Variants in MICALL2 observed in about 807,000 individuals in gnomAD.
MICALL2 encodes MICAL like 2.
Under a neutral mutation model 91.1 loss-of-function variants are expected in MICALL2, and 111 were observed. That is an observed-to-expected ratio of 1.22 (90% CI 1.04 to 1.43). The LOEUF is 1.43. Ranked by LOEUF, MICALL2 falls within the 40% of genes most tolerant of loss-of-function variation. The pLI is 0.00. For synonymous variants in MICALL2, 694 were observed against 525.3 expected (o/e 1.32, Z -4.39); for missense variants, 1,556 against 1,236.0 (o/e 1.26, Z -3.88).
rs1258064128 is a variant in MICALL2 at position 1,451,205 on chromosome 7, C to A, written c.144-917G>T. 6.6e-6 allele frequency among the ~76,000 whole-genome samples: 1 copy of A among 152,088 alleles called. No individual in the cohort carries two copies. The highest frequency in any genetic ancestry group is 1.5e-5 in the Non-Finnish European group (1 of 68,010). ...TGGGGACGCCAAGAGGACAGCCCCA[C>A]GTGACCTCCAGCTGGTCCTGGGACT... On this transcript the variant is annotated intron_variant, in intron 1 of 16. Transcript: ENST00000297508. The surrounding 1 kb of genome is among the most constrained non-coding windows in gnomAD (Gnocchi z 4.5).
At position 1,438,365 on chromosome 7, in the gene MICALL2, G is replaced by A. The variant is rs369713447; in HGVS notation, c.2123-12C>T. 2.6e-5 allele frequency: 41 copies of A among 1,596,054 alleles called. No individual in the cohort carries two copies. In the African/African-American group the frequency reaches 2.8e-4, roughly 11 times the overall value. On this transcript the variant is annotated splice_polypyrimidine_tract_variant and intron_variant, in intron 10 of 16. Transcript: ENST00000297508. Reference sequence around the variant, plus strand: ...GGACAAGGGTCTCCCTGGAGAAGGAGCAGGGTGAGCCTCTGGGACCTGGGC... The same window carrying A: ...GGACAAGGGTCTCCCTGGAGAAGGAACAGGGTGAGCCTCTGGGACCTGGGC...
Position 1,438,918 on chromosome 7 carries a change from G to A in MICALL2, c.2044C>T (p.Pro682Ser), listed in dbSNP as rs1186705945. The A allele has an allele frequency of 6.2e-7, 1 of 1,608,624 alleles. No homozygotes were observed. The highest frequency in any genetic ancestry group is 8.5e-7 in the Non-Finnish European group (1 of 1,179,542). Residue 682 changes from proline (P) to serine (S), a missense_variant, in exon 10 of 17, where the codon CCG becomes TCG. Physicochemically the swap from Pro to Ser is moderately conservative, Grantham distance 74. Transcript: ENST00000297508. ...SLDVCDNWLRPEPPGQEARVQ... is the reference protein window; with the variant it reads ...SLDVCDNWLRSEPPGQEARVQ... ...CGGGCTTCCTGGCCAGGGGGCTCCGGCCGAAGCCAGTTGTCACAAACGTCG... is the reference window on the plus strand; with the variant it reads ...CGGGCTTCCTGGCCAGGGGGCTCCGACCGAAGCCAGTTGTCACAAACGTCG...
At chr7:1,447,192 T>C (rs773843533) in intron 4 of MICALL2, among the ~76,000 whole-genome samples, 15 of 152,084 alleles carry the variant, frequency 9.9e-5, no homozygotes, top group Non-Finnish European at 1.8e-4. Flanking sequence ...CACCAGATAT[T>C]TGCCCACCGC....
rs760938815 is a variant in MICALL2 at position 1,438,372 on chromosome 7, G to A, written c.2123-19C>T. The stretch of plus-strand genomic sequence containing the variant: ...GGTCTCCCTGGAGAAGGAGCAGGGT[G>A]AGCCTCTGGGACCTGGGCCACCAGG... On this transcript the variant is annotated intron_variant, in intron 10 of 16. Transcript: ENST00000297508. The A allele has an allele frequency of 5.0e-6, 8 of 1,590,590 alleles. No homozygotes were observed. Among genetic ancestry groups the A allele is most frequent in the African/African-American group, 2.7e-5 (2 of 74,552 alleles).
chr7:1,438,871 C>A lies in MICALL2; in HGVS notation c.2091G>T (p.Glu697Asp). The change falls in exon 10 of 17, where the codon GAG becomes GAT. Residue 697 changes from glutamate (E) to aspartate (D), a missense_variant. Coordinates refer to ENST00000297508, the MANE Select transcript of MICALL2 (RefSeq NM_182924.4). ...QEARVQSWKE[E>D]EKKPHLQGKP... ...TGCCCTGAAGGTGAGGTTTCTTCTC[C>A]TCCTCCTTCCAGCTCTGCACTCGGG... is the stretch of plus-strand genomic sequence containing the variant. 6.2e-7 allele frequency: 1 copy of A among 1,609,782 alleles called. No individual in the cohort carries two copies. Among genetic ancestry groups the A allele is most frequent in the South Asian group, 1.1e-5 (1 of 91,040 alleles).
At chr7:1,455,440 C>A (rs1427333511) in intron 1 of MICALL2, among the ~76,000 whole-genome samples, 2 of 152,206 alleles carry the variant, frequency 1.3e-5, no homozygotes, top group African/African-American at 4.8e-5. Flanking sequence ...GGCAGGCGGG[C>A]ACAGGCAGGC....
chr7:1,436,509 C>T (rs1341351772), intron 15 of MICALL2, among the ~76,000 whole-genome samples: 3 of 145,840 alleles, frequency 2.1e-5, no homozygotes, highest in East Asian at 2.0e-4. Context: ...GCCAAGATCG[C>T]ACCACTGCAC....
At position 1,438,873 on chromosome 7, in the gene MICALL2, C is replaced by T. The variant is rs1447538050; in HGVS notation, c.2089G>A (p.Glu697Lys). Residue 697 changes from glutamate to lysine, a missense_variant, in exon 10 of 17, where the codon GAG becomes AAG. Physicochemically the swap from Glu to Lys is moderately conservative, Grantham distance 56 (BLOSUM62 1). Transcript: ENST00000297508. ...CCCTGAAGGTGAGGTTTCTTCTCCT[C>T]CTCCTTCCAGCTCTGCACTCGGGCT... Reference protein sequence around the residue: ...QEARVQSWKEEEKKPHLQGKP... With the variant: ...QEARVQSWKEKEKKPHLQGKP... 1.9e-6 allele frequency: 3 copies of T among 1,610,078 alleles called. No individual in the cohort carries two copies. Among genetic ancestry groups the T allele is most frequent in the Non-Finnish European group, 2.5e-6 (3 of 1,178,504 alleles).
intron 16 of MICALL2, chr7:1,434,884 C>A: frequency 1.4e-6 from 1 of 709,998 alleles, no homozygotes; most frequent in Non-Finnish European, 2.3e-6. Context: ...ACCACACGGT[C>A]ACCAGCTGCC....
At chr7:1,445,502 T>C (rs376425950) in intron 5 of MICALL2, 74 bp from the exon 6 acceptor site, 7 of 1,333,304 alleles carry the variant, frequency 5.3e-6, no homozygotes, top group Non-Finnish European at 6.9e-6. Context: ...GTGCTCCTGA[T>C]AGCAGGCATT....
At position 1,459,223 on chromosome 7, in the gene MICALL2, G is replaced by C; in HGVS notation, c.104C>G (p.Ala35Gly). ...NMTTSFRDGL[A>G]FCAILHRHRP... Reference sequence around the variant, plus strand: ...GTGGCGGTGCAGGATGGCGCAGAAAGCCAGGCCGTCGCGGAACGACGTGGT... The same window carrying C: ...GTGGCGGTGCAGGATGGCGCAGAAACCCAGGCCGTCGCGGAACGACGTGGT... The change falls in exon 1 of 17, where the codon GCT becomes GGT. Residue 35 changes from alanine to glycine, a missense_variant. Physicochemically the swap from Ala to Gly is moderately conservative, Grantham distance 60. Coordinates refer to ENST00000297508, the MANE Select transcript of MICALL2 (RefSeq NM_182924.4). The C allele has an allele frequency of 6.2e-7, 1 of 1,611,118 alleles. No homozygotes were observed. The highest frequency in any genetic ancestry group is 8.5e-7 in the Non-Finnish European group (1 of 1,179,082).
At chr7:1,456,525 G>A (rs1180383440) in intron 1 of MICALL2, among the ~76,000 whole-genome samples, 1 of 152,226 alleles carries the variant, frequency 6.6e-6, no homozygotes. Context: ...GGCGGAGGTT[G>A]CAGTGAGCTG....
In MICALL2 at chr7:1,446,138, CG is replaced by C. The variant is rs145815792; in HGVS notation, c.641+574del. On this transcript the variant is annotated intron_variant, in intron 5 of 16. Transcript: ENST00000297508. ...ACATCTTGGGCTATCAGCAACAGAG[CG>C]GGGGGTGGGGAAGAGGGTGAGGAGG... Among the ~76,000 whole-genome samples, 392 of 72,036 alleles carry C rather than the reference CG, an allele frequency of 5.4e-3. 8 individuals are homozygous for C. The highest frequency in any genetic ancestry group is 0.021 in the African/African-American group (370 of 17,396). The allele number at this position is 72,036 out of a possible 152,430, so 47.3% of individuals were successfully genotyped here.
intron 15 of MICALL2, among the ~76,000 whole-genome samples, chr7:1,435,966 G>A (rs976338210): frequency 3.3e-5 from 5 of 151,270 alleles, no homozygotes; most frequent in African/African-American, 7.3e-5. Context: ...GCAGGAGAAT[G>A]GCATGAACCC....
At chr7:1,448,872 G>A (rs1780711000) in intron 2 of MICALL2, 111 bp from the exon 3 acceptor site, 3 of 1,349,528 alleles carry the variant, frequency 2.2e-6, no homozygotes, top group East Asian at 2.4e-5. Context: ...AAGAGGCGTG[G>A]GTTGGAGGCC....
intron 14 of MICALL2, 31 bp from the exon 15 acceptor site, chr7:1,436,887 C>A: frequency 1.4e-6 from 2 of 1,469,106 alleles, no homozygotes; most frequent in Non-Finnish European, 1.8e-6. Flanking sequence ...CAGGAGCCCC[C>A]CCCACCACTG....
rs563445649 is a variant in MICALL2, at chr7:1,442,170, T to TGCCTCCC, written c.1711+15_1711+21dup. On this transcript the variant is annotated intron_variant, in intron 7 of 16. Coordinates refer to ENST00000297508, the MANE Select transcript of MICALL2 (RefSeq NM_182924.4). ...AGAGCTGCGGGCCCCCGGGGCCTCC[T>TGCCTCCC]GCCTCCCAGCCCCTTACTCACCCTG... 770 of 1,609,826 alleles carry TGCCTCCC rather than the reference T, an allele frequency of 4.8e-4. 2 individuals are homozygous for TGCCTCCC. In the African/African-American group the frequency reaches 9.2e-3, roughly 19 times the overall value.
chr7:1,458,304 G>A (rs1244053276), intron 1 of MICALL2, among the ~76,000 whole-genome samples: 1 of 152,138 alleles, frequency 6.6e-6, no homozygotes, highest in East Asian at 1.9e-4. Context: ...TGCTGCCTGT[G>A]GCTCCTCCCA....
rs567312238 is a variant in MICALL2 at position 1,435,470 on chromosome 7, C to T, written c.2592-323G>A. Among the ~76,000 whole-genome samples, 10 of 151,674 alleles carry T rather than the reference C, an allele frequency of 6.6e-5. No individual in the cohort carries two copies. The East Asian group carries it at 1.2e-3, about 18-fold the overall frequency. On this transcript the variant is annotated intron_variant, in intron 15 of 16. Transcript: ENST00000297508. ...AGGACCTGGACAGGAGGGCCTGGGC[C>T]GACCACACCGGTGACCTGGGACAGG...
Sources: allele counts gnomAD v4.1 joint callset (sites outside exome capture counted in the v4.1 genomes callset), GRCh38; gene constraint gnomAD v4.1.1; non-coding constraint Gnocchi (gnomAD v3.1); transcripts MANE v1.5; gene names NCBI Gene and HGNC (gene_info 2026-07-23, HGNC 2026-07-21).